Variants in BTBD9 observed in about 807,000 individuals in gnomAD.
BTBD9 encodes BTB domain containing 9.
Under a neutral mutation model 64.3 loss-of-function variants are expected in BTBD9, and 49 were observed. The ratio of observed to expected loss-of-function variants is 0.76; its 90% CI spans 0.61 to 0.97. BTBD9 has a LOEUF of 0.97. Among genes scored for constraint, BTBD9 ranks in the 50% least tolerant of loss-of-function variants. BTBD9 has a pLI of 0.00. For missense variants in BTBD9, 598 were observed against 762.1 expected, an observed-to-expected ratio of 0.78 and a Z score of 2.53; for synonymous variants, 260 against 274.7, an observed-to-expected ratio of 0.95 and a Z score of 0.53.
chr6:38,363,288 A>ATTAC (rs1765046938), intron 6 of BTBD9, among the ~76,000 whole-genome samples: 1 of 152,158 alleles, frequency 6.6e-6, no homozygotes, highest in African/African-American at 2.4e-5. Flanking sequence ...CTAGGCTGGG[A>ATTAC]GTAATGGTTC....
intron 6 of BTBD9, among the ~76,000 whole-genome samples, chr6:38,506,030 A>G (rs1453599626): frequency 2.7e-5 from 4 of 149,168 alleles, no homozygotes; most frequent in African/African-American, 9.8e-5. Context: ...ATTGTGCTGC[A>G]ACTCTGGGTC....
At chr6:38,331,799 C>A (rs1298394694) in intron 7 of BTBD9, among the ~76,000 whole-genome samples, 2 of 152,160 alleles carry the variant, frequency 1.3e-5, no homozygotes, top group African/African-American at 4.8e-5. Context: ...GTCAAGGCTG[C>A]AGTGAGCTGT....
chr6:38,358,461 T>C (rs1414133593), intron 6 of BTBD9, among the ~76,000 whole-genome samples: 1 of 152,104 alleles, frequency 6.6e-6, no homozygotes, highest in African/African-American at 2.4e-5. Flanking sequence ...AGAAAGTACA[T>C]ACTGTACATC....
At position 38,410,414 on chromosome 6, in the gene BTBD9, A is replaced by G. The variant is rs138317322; in HGVS notation, c.1155-65321T>C. Among the ~76,000 whole-genome samples, 532 of 152,152 alleles carry G rather than the reference A, an allele frequency of 3.5e-3. 3 individuals are homozygous for G. The highest frequency in any genetic ancestry group is 0.029 in the South Asian group (141 of 4,814). ...CTTGAGCCCAGGAGGCTGGGGCTGC[A>G]GTGAGCCGTGACCACACTACTGCAC... On this transcript the variant is annotated intron_variant, in intron 6 of 10. Transcript: ENST00000481247.
chr6:38,334,275 T>C (rs1763793483), intron 7 of BTBD9, among the ~76,000 whole-genome samples: 1 of 152,060 alleles, frequency 6.6e-6, no homozygotes, highest in African/African-American at 2.4e-5. Flanking sequence ...GAACTTATAT[T>C]TAACAGCTGG....
intron 7 of BTBD9, among the ~76,000 whole-genome samples, chr6:38,321,975 C>G (rs1489543250): frequency 2.0e-5 from 3 of 151,584 alleles, no homozygotes; most frequent in Non-Finnish European, 4.4e-5. Context: ...CTTGCTTGGT[C>G]CTTGACATTT....
At chr6:38,466,438 T>C (rs1334791543) in intron 6 of BTBD9, among the ~76,000 whole-genome samples, 2 of 151,928 alleles carry the variant, frequency 1.3e-5, no homozygotes, top group African/African-American at 4.8e-5. Flanking sequence ...ACTATAGGCA[T>C]GTATCACTAC....
At chr6:38,480,167 G>C (rs573082856) in intron 6 of BTBD9, among the ~76,000 whole-genome samples, 1 of 152,214 alleles carries the variant, frequency 6.6e-6, no homozygotes, top group African/African-American at 2.4e-5. Context: ...TTTGGAAACA[G>C]ATAAACGTAG....
At chr6:38,470,140 T>C (rs1483586277) in intron 6 of BTBD9, among the ~76,000 whole-genome samples, 1 of 152,220 alleles carries the variant, frequency 6.6e-6, no homozygotes, top group Non-Finnish European at 1.5e-5. Flanking sequence ...GACATAAATA[T>C]GTTTTGTTGC....
At chr6:38,611,890 C>T (rs1450976629) in intron 1 of BTBD9, among the ~76,000 whole-genome samples, 1 of 152,110 alleles carries the variant, frequency 6.6e-6, no homozygotes. Flanking sequence ...ACTTACAAAA[C>T]CACTTAATTA....
intron 1 of BTBD9, among the ~76,000 whole-genome samples, chr6:38,637,490 T>C (rs1778564933): frequency 6.6e-6 from 1 of 152,188 alleles, no homozygotes; most frequent in Admixed American, 6.5e-5. Context: ...TGAAATCTCT[T>C]TGGTCAGTAT....
intron 6 of BTBD9, among the ~76,000 whole-genome samples, chr6:38,566,206 A>G (rs544407195): frequency 5.3e-5 from 8 of 152,320 alleles, no homozygotes; most frequent in African/African-American, 1.9e-4. Context: ...GTGTATGATT[A>G]CACATAGAAG....
intron 7 of BTBD9, among the ~76,000 whole-genome samples, chr6:38,328,968 A>ATGTGTGTGTG (rs70981541): frequency 4.6e-4 from 58 of 127,372 alleles, no homozygotes; most frequent in African/African-American, 1.3e-3. Context: ...GAAAGAAAAT[A>ATGTGTGTGTG]TGTGTGTGTG....
chr6:38,243,401 C>T (rs935785263), intron 9 of BTBD9, among the ~76,000 whole-genome samples: 1 of 152,124 alleles, frequency 6.6e-6, no homozygotes, highest in Admixed American at 6.5e-5. Context: ...ATCACAGCAA[C>T]GACAACCTAG....
intron 6 of BTBD9, among the ~76,000 whole-genome samples, chr6:38,382,555 G>A (rs1765983474): frequency 6.7e-6 from 1 of 149,140 alleles, no homozygotes; most frequent in South Asian, 2.1e-4. Context: ...AACAACAGCA[G>A]TAGAAAAAGG....
chr6:38,444,966 A>G (rs57752598), intron 6 of BTBD9, among the ~76,000 whole-genome samples: 2,715 of 152,278 alleles, frequency 0.018, 73 homozygotes, highest in African/African-American at 0.061. Flanking sequence ...GGAAGACTAA[A>G]TTTCCTATTC....
At chr6:38,266,473 T>C (rs1157254308) in intron 8 of BTBD9, among the ~76,000 whole-genome samples, 1 of 151,942 alleles carries the variant, frequency 6.6e-6, no homozygotes, top group Admixed American at 6.6e-5. Flanking sequence ...CTCAGGAGGC[T>C]GAGGCAGGAG....
chr6:38,564,753 G>A (rs921825493), intron 6 of BTBD9, among the ~76,000 whole-genome samples: 8 of 152,054 alleles, frequency 5.3e-5, no homozygotes, highest in African/African-American at 9.7e-5. Flanking sequence ...TTAGCTGGGC[G>A]TGGTGGTAGG....
chr6:38,562,010 C>A (rs1775286396), intron 6 of BTBD9, among the ~76,000 whole-genome samples: 1 of 152,158 alleles, frequency 6.6e-6, no homozygotes, highest in Admixed American at 6.5e-5. Flanking sequence ...ATTACCAATA[C>A]CCTGCAGATA....
Sources: allele counts gnomAD v4.1 joint callset (sites outside exome capture counted in the v4.1 genomes callset), GRCh38; gene constraint gnomAD v4.1.1; transcripts MANE v1.5; gene names NCBI Gene and HGNC (gene_info 2026-07-23, HGNC 2026-07-21).